Variants in PELI2 observed in about 807,000 individuals in gnomAD.
PELI2 encodes E3 ubiquitin-protein ligase pellino homolog 2.
In PELI2, 23 loss-of-function variants were observed where a neutral mutation model predicts 42.3. The observed-to-expected ratio is 0.54, with a 90% CI of 0.39 to 0.77. The LOEUF is 0.77. Among genes scored for constraint, PELI2 ranks in the 30% least tolerant of loss-of-function variants. PELI2 has a pLI of 0.00. For missense variants in PELI2, 463 were observed against 553.2 expected (o/e 0.84, Z 1.64); for synonymous variants, 245 against 212.2 (o/e 1.15, Z -1.34).
intron 1 of PELI2, among the ~76,000 whole-genome samples, chr14:56,123,946 A>G (rs1026841807): frequency 7.9e-5 from 12 of 152,322 alleles, no homozygotes; most frequent in South Asian, 2.1e-4. Flanking sequence ...TGGCTTTTGA[A>G]TGGAGACAAC....
At chr14:56,268,124 T>A (rs951501967) in intron 2 of PELI2, among the ~76,000 whole-genome samples, 1 of 152,230 alleles carries the variant, frequency 6.6e-6, no homozygotes, top group Non-Finnish European at 1.5e-5. Flanking sequence ...TTTTCTCCAG[T>A]GCTCTTTAGA....
At chr14:56,275,661 T>G (rs1257422817) in intron 2 of PELI2, among the ~76,000 whole-genome samples, 1 of 152,078 alleles carries the variant, frequency 6.6e-6, no homozygotes, top group Non-Finnish European at 1.5e-5. Flanking sequence ...ATGATAGCAA[T>G]GGGGAGCAGC....
chr14:56,255,324 A>T (rs1434055893), intron 2 of PELI2, among the ~76,000 whole-genome samples: 1 of 152,212 alleles, frequency 6.6e-6, no homozygotes, highest in African/African-American at 2.4e-5. Context: ...GGATGAATTC[A>T]TGTCTTTTGC....
intron 1 of PELI2, among the ~76,000 whole-genome samples, chr14:56,157,461 A>G (rs988146505): frequency 1.7e-4 from 26 of 152,352 alleles, no homozygotes; most frequent in African/African-American, 4.8e-4. Flanking sequence ...CAATATACAC[A>G]ATGTAAAGCT....
At chr14:56,234,093 A>G (rs559041885) in intron 2 of PELI2, among the ~76,000 whole-genome samples, 33 of 152,338 alleles carry the variant, frequency 2.2e-4, no homozygotes, top group African/African-American at 7.9e-4. Flanking sequence ...TTAAAAAGTC[A>G]GGAAACAACA....
Position 56,219,255 on chromosome 14 carries a change from CAGAA to C in PELI2, c.207+40792_207+40795del, listed in dbSNP as rs1887036091. 6.6e-6 allele frequency among the ~76,000 whole-genome samples: 1 copy of C among 151,894 alleles called. No individual in the cohort carries two copies. Among genetic ancestry groups the C allele is most frequent in the Non-Finnish European group, 1.5e-5 (1 of 67,972 alleles). On this transcript the variant is annotated intron_variant, in intron 2 of 5. Transcript: ENST00000267460. The surrounding 1 kb of genome is among the most constrained non-coding windows in gnomAD (Gnocchi z 4.1). The stretch of plus-strand genomic sequence containing the variant: ...AATAGGCAAGAAGGAAGGAAGAAGA[CAGAA>C]GGAAGAAGCTCCCCCGTACAGAGAC...
intron 2 of PELI2, among the ~76,000 whole-genome samples, chr14:56,250,816 A>G (rs1888318837): frequency 6.6e-6 from 1 of 152,146 alleles, no homozygotes; most frequent in South Asian, 2.1e-4. Context: ...ACCGAACAAT[A>G]CTTTGCATCC....
intron 2 of PELI2, among the ~76,000 whole-genome samples, chr14:56,227,033 T>C (rs1403834741): frequency 6.6e-6 from 1 of 152,242 alleles, no homozygotes; most frequent in Non-Finnish European, 1.5e-5. Context: ...GTGGCAATTT[T>C]CAGGAATGTG....
intron 2 of PELI2, among the ~76,000 whole-genome samples, chr14:56,220,686 G>A (rs968950718): frequency 6.6e-6 from 1 of 152,124 alleles, no homozygotes; most frequent in Non-Finnish European, 1.5e-5. Context: ...CAGTTGAAGA[G>A]CATAGGGGAG....
chr14:56,298,522 A>G lies in PELI2; in HGVS notation c.*1356A>G, dbSNP rs1351808101. On this transcript the variant is annotated 3_prime_UTR_variant, in exon 6 of 6. Coordinates refer to ENST00000267460, the MANE Select transcript of PELI2 (RefSeq NM_021255.3). ...GATAAAATAAGTATTTATTTAAACTAATGTTCTCTTAATTTGACCATTGCA... is the reference window on the plus strand; with the variant it reads ...GATAAAATAAGTATTTATTTAAACTGATGTTCTCTTAATTTGACCATTGCA... 1.3e-5 allele frequency: 2 copies of G among 152,666 alleles called. No individual in the cohort carries two copies. The highest frequency in any genetic ancestry group is 4.8e-5 in the African/African-American group (2 of 41,456). The allele number at this position is 152,666 out of a possible 1,614,324, so 9.5% of individuals were successfully genotyped here.
At chr14:56,148,397 T>C (rs565399412) in intron 1 of PELI2, among the ~76,000 whole-genome samples, 1 of 152,156 alleles carries the variant, frequency 6.6e-6, no homozygotes, top group Non-Finnish European at 1.5e-5. Flanking sequence ...GTGCAAATGT[T>C]CCATGGTGTA....
intron 1 of PELI2, among the ~76,000 whole-genome samples, chr14:56,123,792 T>G (rs922427723): frequency 2.0e-5 from 3 of 152,228 alleles, no homozygotes; most frequent in Admixed American, 6.5e-5. Context: ...AAAATACTTA[T>G]GCACAAAGGA....
At chr14:56,241,284 T>A (rs11626580) in intron 2 of PELI2, among the ~76,000 whole-genome samples, 61,293 of 151,964 alleles carry the variant, frequency 0.4, 13,073 homozygotes, top group South Asian at 0.53. Flanking sequence ...TCTTAAGATT[T>A]AAAAAAATCC....
chr14:56,147,317 A>C (rs1718849565), intron 1 of PELI2, among the ~76,000 whole-genome samples: 1 of 152,188 alleles, frequency 6.6e-6, no homozygotes, highest in East Asian at 1.9e-4. Flanking sequence ...GGTACTTAGT[A>C]GTGGAATTGC....
In PELI2 at chr14:56,297,737, T is replaced by A. The variant is rs1890057532; in HGVS notation, c.*571T>A. ...CTTTTTCTGATTTATTTTTCTGACT[T>A]GTTGGGGGAGAGAATATTCATAACT... On this transcript the variant is annotated 3_prime_UTR_variant, in exon 6 of 6. Transcript: ENST00000267460. 6.6e-6 allele frequency: 1 copy of A among 151,846 alleles called. No homozygotes were observed. Among genetic ancestry groups the A allele is most frequent in the South Asian group, 2.1e-4 (1 of 4,828 alleles). The allele number at this position is 151,846 out of a possible 1,614,324, so 9.4% of individuals were successfully genotyped here.
At chr14:56,159,872 T>G (rs1884694824) in intron 1 of PELI2, among the ~76,000 whole-genome samples, 2 of 152,072 alleles carry the variant, frequency 1.3e-5, no homozygotes, top group African/African-American at 4.8e-5. Flanking sequence ...TGCTCAGAAG[T>G]CAGATTCAGA....
intron 1 of PELI2, among the ~76,000 whole-genome samples, chr14:56,140,656 C>T (rs545720231): frequency 5.3e-5 from 8 of 152,308 alleles, no homozygotes; most frequent in East Asian, 1.9e-4. Flanking sequence ...TATGGAATAA[C>T]GGCAGGGAAG....
chr14:56,226,239 C>A (rs1191580681), intron 2 of PELI2, among the ~76,000 whole-genome samples: 2 of 152,334 alleles, frequency 1.3e-5, no homozygotes, highest in East Asian at 3.9e-4. Context: ...CTCCCAGGTT[C>A]TTGCACATGC....
chr14:56,297,368 G>A lies in PELI2; in HGVS notation c.*202G>A, dbSNP rs140407966. Reference sequence around the variant, plus strand: ...GTTGCATGCTCAAAACAGCAGCGTCGTCATTGAAGTCTGCTTGATTAAACC... The same window carrying A: ...GTTGCATGCTCAAAACAGCAGCGTCATCATTGAAGTCTGCTTGATTAAACC... On this transcript the variant is annotated 3_prime_UTR_variant, in exon 6 of 6. Coordinates refer to ENST00000267460, the MANE Select transcript of PELI2 (RefSeq NM_021255.3). 145 of 514,572 alleles carry A rather than the reference G, an allele frequency of 2.8e-4. 1 individual carries two copies. The East Asian group carries it at 3.9e-3, about 14-fold the overall frequency. 31.9% of individuals were successfully genotyped at this position (514,572 alleles called of 1,614,324 possible). A position where few individuals can be genotyped will look rare whatever the true frequency, so the allele number is the denominator to read the frequency against.
Sources: allele counts gnomAD v4.1 joint callset (sites outside exome capture counted in the v4.1 genomes callset), GRCh38; gene constraint gnomAD v4.1.1; non-coding constraint Gnocchi (gnomAD v3.1); transcripts MANE v1.5; gene names NCBI Gene and HGNC (gene_info 2026-07-23, HGNC 2026-07-21).